Variants in DDHD1 observed in about 807,000 individuals in gnomAD.
DDHD1 encodes the protein phospholipase DDHD1.
In DDHD1, 49 loss-of-function variants were observed where a neutral mutation model predicts 96.4. That is an observed-to-expected ratio of 0.51 (90% CI 0.40 to 0.64). DDHD1 has a LOEUF of 0.64. DDHD1 is among the 30% of genes least tolerant of loss of function. The pLI is 0.00. For missense variants in DDHD1, 1,106 were observed against 1,161.2 expected, an observed-to-expected ratio of 0.95 and a Z score of 0.69; for synonymous variants, 442 against 446.5, an observed-to-expected ratio of 0.99 and a Z score of 0.13.
rs1891499845 is a variant in DDHD1, at chr14:53,152,533, C to A, written c.566G>T (p.Arg189Leu). 1 of 1,613,450 alleles carries A rather than the reference C, an allele frequency of 6.2e-7. No individual in the cohort carries two copies. The highest frequency in any genetic ancestry group is 8.5e-7 in the Non-Finnish European group (1 of 1,179,924). The change falls in exon 1 of 13, where the codon CGC (arginine) becomes CTC (leucine). Residue 189 changes from arginine (R) to leucine (L), a missense_variant. Arg to Leu is a moderately radical substitution (Grantham distance 102). This residue lies in a region of DDHD1 where 456 missense variants were observed against 402.4 expected (regional missense o/e 1.13). Transcript: ENST00000673822. ...CAGGGTCCGGAAGGCGAGCTCGATG[C>A]GGAGCGAGTCGTAGCCGATGAAGGG... The part of the protein sequence containing the change: ...WKPFIGYDSL[R>L]IELAFRTLLQ...
At position 53,152,506 on chromosome 14, in the gene DDHD1, A is replaced by G; in HGVS notation, c.593T>C (p.Leu198Pro). The change falls in exon 1 of 13, where the codon CTG becomes CCG. Residue 198 changes from leucine (L) to proline (P), a missense_variant. Transcript: ENST00000673822. ...CTGGGGCCGGGCACCCGTGGTCTGC[A>G]GCAGGGTCCGGAAGGCGAGCTCGAT... is the stretch of plus-strand genomic sequence containing the variant. ...LRIELAFRTLLQTTGARPQGG... is the reference protein window; with the variant it reads ...LRIELAFRTLPQTTGARPQGG... 6.2e-7 allele frequency: 1 copy of G among 1,613,282 alleles called. No individual in the cohort carries two copies. Among genetic ancestry groups the G allele is most frequent in the Non-Finnish European group, 8.5e-7 (1 of 1,179,850 alleles).
chr14:53,046,662 G>C lies in DDHD1; in HGVS notation c.*106C>G, dbSNP rs1454426807. On this transcript the variant is annotated 3_prime_UTR_variant, in exon 13 of 13. Coordinates refer to ENST00000673822, the MANE Select transcript of DDHD1 (RefSeq NM_001160148.2). Reference sequence around the variant, plus strand: ...AAATTCAAATATATGTTGCCCTAAAGAAAACTGAAATATACTTTAACCCTG... The same window carrying C: ...AAATTCAAATATATGTTGCCCTAAACAAAACTGAAATATACTTTAACCCTG... 1 of 736,484 alleles carries C rather than the reference G, an allele frequency of 1.4e-6. No homozygotes were observed. The highest frequency in any genetic ancestry group is 2.0e-6 in the Non-Finnish European group (1 of 493,408). The allele number at this position is 736,484 out of a possible 1,614,324, so 45.6% of individuals were successfully genotyped here. A position where few individuals can be genotyped will look rare whatever the true frequency, so the allele number is the denominator to read the frequency against.
Position 53,152,504 on chromosome 14 carries a change from G to C in DDHD1, c.595C>G (p.Gln199Glu), listed in dbSNP as rs1230000368. 6.2e-7 allele frequency: 1 copy of C among 1,613,254 alleles called. No individual in the cohort carries two copies. Among genetic ancestry groups the C allele is most frequent in the Non-Finnish European group, 8.5e-7 (1 of 1,179,842 alleles). Residue 199 changes from glutamine to glutamate, a missense_variant, in exon 1 of 13, where the codon CAG becomes GAG. Gln to Glu is a conservative substitution (Grantham distance 29). Transcript: ENST00000673822. ...RIELAFRTLL[Q>E]TTGARPQGGD... ...CCCTGGGGCCGGGCACCCGTGGTCT[G>C]CAGCAGGGTCCGGAAGGCGAGCTCG...
At chr14:53,148,959 C>T (rs528138699) in intron 1 of DDHD1, among the ~76,000 whole-genome samples, 1 of 152,342 alleles carries the variant, frequency 6.6e-6, no homozygotes, top group Non-Finnish European at 1.5e-5. Flanking sequence ...AGGAAGAACA[C>T]TGCAAACAAG....
intron 10 of DDHD1, among the ~76,000 whole-genome samples, chr14:53,055,136 T>TG (rs963793207): frequency 2.0e-5 from 3 of 152,190 alleles, no homozygotes; most frequent in African/African-American, 7.2e-5. Flanking sequence ...CCAAAGGCAA[T>TG]GGACAGATTC....
rs1334879505 is a variant in DDHD1 at position 53,152,749 on chromosome 14, A to C, written c.350T>G (p.Leu117Arg). The C allele has an allele frequency of 6.4e-7, 1 of 1,558,824 alleles. No individual in the cohort carries two copies. The highest frequency in any genetic ancestry group is 8.7e-7 in the Non-Finnish European group (1 of 1,155,838). ...CAGCGGAGGCTGCTGCGGCGGGTGC[A>C]GCGACAAGGAGCTGCCGCCGCCGCC... ...ESGGGGSSLSLHPPQQPPLVP... is the reference protein window; with the variant it reads ...ESGGGGSSLSRHPPQQPPLVP... The change falls in exon 1 of 13, where the codon CTG becomes CGG. Residue 117 changes from leucine (L) to arginine (R), a missense_variant. Around this residue, in one of 2 missense-constraint regions of DDHD1, gnomAD observed 456 missense variants for 402.4 expected, o/e 1.13. Coordinates refer to ENST00000673822, the MANE Select transcript of DDHD1 (RefSeq NM_001160148.2).
At chr14:53,092,008 AAAG>A in intron 3 of DDHD1, 76 bp from the exon 4 acceptor site, 2 of 1,414,308 alleles carry the variant, frequency 1.4e-6, no homozygotes, top group East Asian at 2.3e-5. Context: ...AAAAGAAAAA[AAAG>A]AAGTAAAAGG....
At chr14:53,052,647 G>T (rs1472365064) in intron 11 of DDHD1, 4 of 152,042 alleles carry the variant, frequency 2.6e-5, no homozygotes, top group South Asian at 2.1e-4. Flanking sequence ...CAAATCTTGG[G>T]AATAGGATTT....
rs547406189 is a variant in DDHD1 at position 53,038,398 on chromosome 14, G to A, written c.*8370C>T. ...AACGTTCAAGCTGAGAGCAAATCAA[G>A]AACCCAATACCATTTACAATAGCCA... On this transcript the variant is annotated 3_prime_UTR_variant, in exon 13 of 13. Coordinates refer to ENST00000673822, the MANE Select transcript of DDHD1 (RefSeq NM_001160148.2). The A allele has an allele frequency of 5.3e-5, 8 of 152,136 alleles. No homozygotes were observed. Among genetic ancestry groups the A allele is most frequent in the African/African-American group, 1.9e-4 (8 of 41,520 alleles). The allele number at this position is 152,136 out of a possible 1,614,324, so 9.4% of individuals were successfully genotyped here. A position where few individuals can be genotyped will look rare whatever the true frequency, so the allele number is the denominator to read the frequency against.
rs892252238 is a variant in DDHD1, at chr14:53,037,885, A to C, written c.*8883T>G. ...GGTCTTACATTTAAATCTTTAATCCATCTTGAGTTAATTTTCATATACGGT... is the reference window on the plus strand; with the variant it reads ...GGTCTTACATTTAAATCTTTAATCCCTCTTGAGTTAATTTTCATATACGGT... On this transcript the variant is annotated 3_prime_UTR_variant, in exon 13 of 13. Transcript: ENST00000673822. The C allele has an allele frequency of 6.6e-5, 10 of 152,122 alleles. No homozygotes were observed. The highest frequency in any genetic ancestry group is 1.5e-4 in the Non-Finnish European group (10 of 68,014). 9.4% of individuals were successfully genotyped at this position (152,122 alleles called of 1,614,324 possible).
In DDHD1 at chr14:53,038,102, A is replaced by C. The variant is rs1476040971; in HGVS notation, c.*8666T>G. ...CCACAGACATCATACTGGATGAGCA[A>C]AAGCTGGAACTATTCCTTCTGAGAA... On this transcript the variant is annotated 3_prime_UTR_variant, in exon 13 of 13. Transcript: ENST00000673822. The C allele has an allele frequency of 6.6e-6, 1 of 152,148 alleles. No individual in the cohort carries two copies. Among genetic ancestry groups the C allele is most frequent in the African/African-American group, 2.4e-5 (1 of 41,446 alleles). The allele number at this position is 152,148 out of a possible 1,614,324, so 9.4% of individuals were successfully genotyped here.
intron 1 of DDHD1, among the ~76,000 whole-genome samples, chr14:53,111,634 AC>A (rs138363988): frequency 0.033 from 4,841 of 148,376 alleles, 243 homozygotes; most frequent in African/African-American, 0.11. Flanking sequence ...AAAGTTTATT[AC>A]CCCCCCCCAA....
intron 9 of DDHD1, 69 bp from the exon 10 acceptor site, chr14:53,055,981 T>C (rs1052839101): frequency 7.4e-7 from 1 of 1,347,604 alleles, no homozygotes; most frequent in Non-Finnish European, 1.0e-6. Context: ...TAGTAAACTG[T>C]TCTTACTCTA....
intron 6 of DDHD1, among the ~76,000 whole-genome samples, chr14:53,070,681 G>T (rs1391921041): frequency 6.6e-6 from 1 of 152,048 alleles, no homozygotes; most frequent in African/African-American, 2.4e-5. Flanking sequence ...GTCAAAATGT[G>T]CTCAGAAAAT....
chr14:53,122,516 G>A (rs1315806428), intron 1 of DDHD1, among the ~76,000 whole-genome samples: 1 of 151,460 alleles, frequency 6.6e-6, no homozygotes, highest in African/African-American at 2.4e-5. Flanking sequence ...GCTGCTACCT[G>A]TATCTATTAT....
In DDHD1 at chr14:53,153,107, G is replaced by A; in HGVS notation, c.-9C>T. On this transcript the variant is annotated 5_prime_UTR_variant, in exon 1 of 13. Transcript: ENST00000673822. ...CGGCCCGGGTAATTCATGCTGTGGA[G>A]ACGCCGCCGGCTGTCCGGCGGCGCG... 1 of 1,388,114 alleles carries A rather than the reference G, an allele frequency of 7.2e-7. No homozygotes were observed. The highest frequency in any genetic ancestry group is 1.5e-5 in the African/African-American group (1 of 65,188). The allele number at this position is 1,388,114 out of a possible 1,614,324, so 86.0% of individuals were successfully genotyped here. A position where few individuals can be genotyped will look rare whatever the true frequency, so the allele number is the denominator to read the frequency against.
intron 5 of DDHD1, 59 bp downstream of exon 5, chr14:53,073,682 C>G (rs539198912): frequency 1.7e-5 from 24 of 1,432,356 alleles, no homozygotes; most frequent in Middle Eastern, 2.0e-4. Flanking sequence ...AAACTTTCTG[C>G]ATTTATTTTG....
chr14:53,092,454 A>G (rs1342095052), intron 3 of DDHD1: 2 of 152,170 alleles, frequency 1.3e-5, no homozygotes, highest in Non-Finnish European at 2.9e-5. Flanking sequence ...ATTTTATCAA[A>G]CTTTAAAATT....
chr14:53,111,785 GCAACCTCATTTCTTTA>G (rs555673736), intron 1 of DDHD1, among the ~76,000 whole-genome samples: 2,108 of 152,234 alleles, frequency 0.014, 20 homozygotes, highest in Non-Finnish European at 0.022. Flanking sequence ...CAATTTCTTT[GCAACCTCATTTCTTTA>G]CAACCTCATT....
Sources: gnomAD v4.1 joint callset for allele counts (sites outside exome capture counted in the v4.1 genomes callset) on GRCh38, gnomAD v4.1.1 for gene constraint, gnomAD v4.1.1 regional missense constraint, MANE v1.5 for transcripts, NCBI Gene and HGNC (gene_info 2026-07-23, HGNC 2026-07-21) for gene names.